The following SH3BP5 variants were observed in gnomAD, a reference collection of about 807,000 sequenced individuals.
SH3BP5 encodes SH3 domain-binding protein 5.
Under a neutral mutation model 43.3 loss-of-function variants are expected in SH3BP5, and 22 were observed. The ratio of observed to expected loss-of-function variants is 0.51; its 90% CI spans 0.36 to 0.73. The LOEUF is 0.73. SH3BP5 is among the 30% of genes least tolerant of loss of function. The pLI is 0.00. For synonymous variants in SH3BP5, 255 were observed against 225.8 expected (o/e 1.13, Z -1.16); for missense variants, 529 against 586.9 (o/e 0.90, Z 1.02).
chr3:15,269,310 G>A (rs550589341), intron 4 of SH3BP5, among the ~76,000 whole-genome samples: 126 of 152,180 alleles, frequency 8.3e-4, no homozygotes, highest in African/African-American at 3.0e-3. Context: ...GCACATACCC[G>A]AAGTGCAGCC....
rs931349577 is a variant in SH3BP5, at chr3:15,255,627, T to G, written c.*459A>C. Reference sequence around the variant, plus strand: ...GTCAAAAATATGTGCTCTTAATACTTGAGTTTTTGCTTTGTGTGTGGGTTT... The same window carrying G: ...GTCAAAAATATGTGCTCTTAATACTGGAGTTTTTGCTTTGTGTGTGGGTTT... On this transcript the variant is annotated 3_prime_UTR_variant, in exon 9 of 9. Coordinates refer to ENST00000383791, the MANE Select transcript of SH3BP5 (RefSeq NM_004844.5). 1.3e-5 allele frequency: 2 copies of G among 154,138 alleles called. No homozygotes were observed. The highest frequency in any genetic ancestry group is 4.8e-5 in the African/African-American group (2 of 41,436). 9.5% of individuals were successfully genotyped at this position (154,138 alleles called of 1,614,324 possible).
chr3:15,323,829 G>A (rs753968389), intron 2 of SH3BP5, among the ~76,000 whole-genome samples: 19 of 152,216 alleles, frequency 1.2e-4, no homozygotes, highest in African/African-American at 3.4e-4. Flanking sequence ...GAGGGAGCTG[G>A]GATTCAATGC....
At position 15,262,236 on chromosome 3, in the gene SH3BP5, C is replaced by T. The variant is rs78123935; in HGVS notation, c.549G>A (p.Thr183=). 4.2e-4 allele frequency: 677 copies of T among 1,614,196 alleles called. 2 individuals carry two copies. The African/African-American group carries it at 7.7e-3, about 18-fold the overall frequency. ...KTRSELVHKE[T]AARYNAAMGR... is the part of the protein sequence containing the mutation. ...CCATGGCGGCATTGTACCTGGCTGC[C>T]GTCTCCTTATGCACCAGCTCGCTCC... Residue 183 remains threonine, a synonymous_variant, in exon 5 of 9, where the codon ACG becomes ACA. Coordinates refer to ENST00000383791, the MANE Select transcript of SH3BP5 (RefSeq NM_004844.5).
At chr3:15,272,552 CTG>C (rs1696835332) in intron 3 of SH3BP5, among the ~76,000 whole-genome samples, 1 of 105,392 alleles carries the variant, frequency 9.5e-6, no homozygotes, top group African/African-American at 4.9e-5. Flanking sequence ...AACAGAGTGC[CTG>C]TAGGATAAAG....
At chr3:15,274,761 G>T (rs1483197930) in intron 3 of SH3BP5, among the ~76,000 whole-genome samples, 1 of 152,184 alleles carries the variant, frequency 6.6e-6, no homozygotes, top group Non-Finnish European at 1.5e-5. Context: ...GGCCAAGCCG[G>T]TCTCAAACTC....
chr3:15,326,339 G>C (rs1255704359), intron 2 of SH3BP5, among the ~76,000 whole-genome samples: 2 of 152,152 alleles, frequency 1.3e-5, no homozygotes, highest in Non-Finnish European at 2.9e-5. Context: ...TGGGCCTCAG[G>C]AGCAACACCT....
At chr3:15,327,381 C>A (rs1394151511) in intron 2 of SH3BP5, among the ~76,000 whole-genome samples, 1 of 152,082 alleles carries the variant, frequency 6.6e-6, no homozygotes, top group African/African-American at 2.4e-5. Flanking sequence ...GCCTGGGCGA[C>A]AGCGTGAGAC....
intron 3 of SH3BP5, among the ~76,000 whole-genome samples, chr3:15,291,187 G>A (rs1403465449): frequency 5.3e-5 from 8 of 152,162 alleles, no homozygotes; most frequent in African/African-American, 1.2e-4. Context: ...ATGAGCATTC[G>A]CATGCTTTTT....
intron 2 of SH3BP5, among the ~76,000 whole-genome samples, chr3:15,318,464 G>A (rs897450177): frequency 6.8e-6 from 1 of 146,528 alleles, no homozygotes; most frequent in Non-Finnish European, 1.5e-5. Context: ...CCAGCTCTGA[G>A]CTCCAAAGCC....
At chr3:15,302,847 C>T (rs7632202) in intron 3 of SH3BP5, among the ~76,000 whole-genome samples, 60,597 of 150,614 alleles carry the variant, frequency 0.4, 12,582 homozygotes, top group East Asian at 0.57. Context: ...TGTGCTCTGT[C>T]GCCCAGGCTG....
At position 15,257,090 on chromosome 3, in the gene SH3BP5, C is replaced by G. The variant is rs1315602428; in HGVS notation, c.913G>C (p.Asp305His). 5 of 1,614,114 alleles carry G rather than the reference C, an allele frequency of 3.1e-6. No homozygotes were observed. The highest frequency in any genetic ancestry group is 1.7e-5 in the Admixed American group (1 of 60,024). The change falls in exon 8 of 9, where the codon GAC becomes CAC. Residue 305 changes from aspartate to histidine, a missense_variant. Physicochemically the swap from Asp to His is moderately conservative, Grantham distance 81. Transcript: ENST00000383791. Reference sequence around the variant, plus strand: ...TCAGACACAAAGTTGCTACAGCTGTCATCTTCAAAGGCCTCCGAGGCCACT... The same window carrying G: ...TCAGACACAAAGTTGCTACAGCTGTGATCTTCAAAGGCCTCCGAGGCCACT... ...ISVASEAFEDDSCSNFVSEDD... is the reference protein window; with the variant it reads ...ISVASEAFEDHSCSNFVSEDD...
At chr3:15,273,985 G>A (rs1696888541) in intron 3 of SH3BP5, among the ~76,000 whole-genome samples, 1 of 152,304 alleles carries the variant, frequency 6.6e-6, no homozygotes, top group South Asian at 2.1e-4. Flanking sequence ...GCTCACGCCT[G>A]GAATCCCAGC....
intron 2 of SH3BP5, among the ~76,000 whole-genome samples, chr3:15,308,655 A>G (rs1029392900): frequency 2.6e-5 from 4 of 152,166 alleles, no homozygotes; most frequent in Non-Finnish European, 4.4e-5. Flanking sequence ...ACTCAATCCC[A>G]TGAACAATGG....
chr3:15,336,581 A>G (rs1449576330), upstream of SH3BP5, among the ~76,000 whole-genome samples: 2 of 152,086 alleles, frequency 1.3e-5, no homozygotes, highest in East Asian at 3.8e-4. Context: ...GGCAGAGGGC[A>G]ATGGAGGTTG....
intron 7 of SH3BP5, chr3:15,258,131 A>G (rs1244862448): frequency 6.6e-6 from 1 of 152,258 alleles, no homozygotes; most frequent in African/African-American, 2.4e-5. Context: ...TGTTGAAGGA[A>G]TTAACTCCTG....
upstream of SH3BP5, among the ~76,000 whole-genome samples, chr3:15,333,679 A>G (rs1053355209): frequency 2.0e-5 from 3 of 152,148 alleles, no homozygotes; most frequent in African/African-American, 4.8e-5. Context: ...TTTATCAGAA[A>G]CTAGGCTAGA....
rs192430490 is a variant in SH3BP5 at position 15,314,371 on chromosome 3, G to A, written c.202-10140C>T. On this transcript the variant is annotated intron_variant, in intron 2 of 8. Coordinates refer to ENST00000383791, the MANE Select transcript of SH3BP5 (RefSeq NM_004844.5). ...GGGGCCTCAGGATGCCTTCCCTCCC[G>A]CCTCTGTCTGGTTTTTCTTCTCAGT... Among the ~76,000 whole-genome samples, 9 of 152,136 alleles carry A rather than the reference G, an allele frequency of 5.9e-5. No homozygotes were observed. In the East Asian group the frequency reaches 9.8e-4, roughly 17 times the overall value.
At chr3:15,273,380 G>A (rs962770405) in intron 3 of SH3BP5, 50 of 985,218 alleles carry the variant, frequency 5.1e-5, no homozygotes, top group Non-Finnish European at 5.7e-5. Flanking sequence ...TGTATCTGAT[G>A]AGTTCCAAAT....
At chr3:15,307,141 C>A (rs959149041) in intron 2 of SH3BP5, among the ~76,000 whole-genome samples, 2 of 152,168 alleles carry the variant, frequency 1.3e-5, no homozygotes, top group African/African-American at 2.4e-5. Context: ...CATGGGAGCA[C>A]CTCAGCTCCC....
Sources: gnomAD v4.1 joint callset for allele counts (sites outside exome capture counted in the v4.1 genomes callset) on GRCh38, gnomAD v4.1.1 for gene constraint, MANE v1.5 for transcripts, NCBI Gene and HGNC (gene_info 2026-07-23, HGNC 2026-07-21) for gene names.